PDE8B: variants seen among roughly 807,000 people sequenced by gnomAD.
The protein encoded by PDE8B is phosphodiesterase 8B.
Under a neutral mutation model 101.3 loss-of-function variants are expected in PDE8B, and 26 were observed. The ratio of observed to expected loss-of-function variants is 0.26; its 90% CI spans 0.19 to 0.36. The LOEUF is 0.36. PDE8B is among the 10% of genes least tolerant of loss of function. The pLI is 1.00. For missense variants in PDE8B, 810 were observed against 1,163.1 expected, an observed-to-expected ratio of 0.70 and a Z score of 4.42; for synonymous variants, 424 against 429.3, an observed-to-expected ratio of 0.99 and a Z score of 0.15.
chr5:77,290,671 T>A, intron 1 of PDE8B: 1 of 1,506,684 alleles, frequency 6.6e-7, no homozygotes, highest in Non-Finnish European at 9.2e-7. Context: ...TTATCAAGGA[T>A]GATTGGAGGA....
chr5:77,310,628 C>T (rs1469768653), intron 1 of PDE8B, among the ~76,000 whole-genome samples: 1 of 152,154 alleles, frequency 6.6e-6, no homozygotes, highest in Non-Finnish European at 1.5e-5. Context: ...CTGAGTGGAC[C>T]CATGGTTGAG....
At chr5:77,411,099 A>G (rs1442879155) in intron 14 of PDE8B, 1 of 155,746 alleles carries the variant, frequency 6.4e-6, no homozygotes, top group Non-Finnish European at 1.4e-5. Flanking sequence ...ATCTCCAAGG[A>G]CCTCAAGCCC....
intron 10 of PDE8B, among the ~76,000 whole-genome samples, chr5:77,369,203 C>CAAAAAAAAAAA (rs70988667): frequency 1.3e-5 from 1 of 79,034 alleles, no homozygotes; most frequent in African/African-American, 5.4e-5. Flanking sequence ...TCCACTGTCT[C>CAAAAAAAAAAA]AAAAAAAAAA....
intron 1 of PDE8B, among the ~76,000 whole-genome samples, chr5:77,257,420 A>G (rs888373575): frequency 1.3e-5 from 2 of 152,166 alleles, no homozygotes; most frequent in Admixed American, 6.5e-5. Context: ...AGAAGTGGCT[A>G]TTTTCATTAA....
chr5:77,095,777 C>T, the PDE8B span, among the ~76,000 whole-genome samples: 3 of 152,268 alleles, frequency 2.0e-5, no homozygotes, highest in East Asian at 1.9e-4. Flanking sequence ...TGTAAAGTAT[C>T]GATGATTTTA....
In PDE8B at chr5:77,240,209, G is replaced by C. The variant is rs1162002406; in HGVS notation, c.339+28945G>C. ...CGCTCTATTGCCCAGGCTGGAGTGC[G>C]GTGGCGCGATCCCGGCTCACTGCAA... On this transcript the variant is annotated intron_variant, in intron 1 of 21. Coordinates refer to ENST00000264917, the MANE Select transcript of PDE8B (RefSeq NM_003719.5). 2.6e-5 allele frequency among the ~76,000 whole-genome samples: 4 copies of C among 152,122 alleles called. No individual in the cohort carries two copies. In the East Asian group the frequency reaches 7.7e-4, roughly 29 times the overall value.
chr5:77,422,964 C>G (rs1406530621), intron 20 of PDE8B, among the ~76,000 whole-genome samples: 1 of 152,158 alleles, frequency 6.6e-6, no homozygotes, highest in Non-Finnish European at 1.5e-5. Flanking sequence ...TGATCCATGG[C>G]TCAAGTAGTA....
At chr5:77,367,453 G>A (rs1784346795) in intron 10 of PDE8B, among the ~76,000 whole-genome samples, 2 of 151,826 alleles carry the variant, frequency 1.3e-5, no homozygotes, top group Admixed American at 1.3e-4. Context: ...TTTCCAGCTA[G>A]TCTTCCTGGT....
chr5:77,216,505 A>G (rs746102841), intron 1 of PDE8B, among the ~76,000 whole-genome samples: 3 of 152,198 alleles, frequency 2.0e-5, no homozygotes, highest in Non-Finnish European at 2.9e-5. Flanking sequence ...TAAGGGGGGA[A>G]CTGCCCCATG....
chr5:77,314,768 G>C (rs554113879), intron 2 of PDE8B, among the ~76,000 whole-genome samples: 1 of 152,082 alleles, frequency 6.6e-6, no homozygotes, highest in African/African-American at 2.4e-5. Flanking sequence ...GATACTTCTA[G>C]ACCTTTCCTC....
chr5:77,288,064 G>A (rs1766428818), intron 1 of PDE8B, among the ~76,000 whole-genome samples: 1 of 152,152 alleles, frequency 6.6e-6, no homozygotes, highest in South Asian at 2.1e-4. Flanking sequence ...ACAGAATTTA[G>A]TTTTCCTTCT....
intron 1 of PDE8B, among the ~76,000 whole-genome samples, chr5:77,244,539 A>G (rs1251610608): frequency 1.3e-5 from 2 of 152,068 alleles, no homozygotes; most frequent in Non-Finnish European, 2.9e-5. Context: ...GGAGTGGCCC[A>G]GCAGGCCTCA....
intron 1 of PDE8B, among the ~76,000 whole-genome samples, chr5:77,258,967 T>G (rs1351852860): frequency 1.3e-5 from 2 of 151,904 alleles, no homozygotes; most frequent in African/African-American, 4.8e-5. Context: ...ACTCTCTCTC[T>G]TTAGGTACTG....
At chr5:77,089,625 T>G in the PDE8B span, among the ~76,000 whole-genome samples, 1 of 152,336 alleles carries the variant, frequency 6.6e-6, no homozygotes, top group East Asian at 1.9e-4. Flanking sequence ...GTTACTACTT[T>G]TCTTCTGGCC....
chr5:77,382,176 C>T (rs951845521), intron 10 of PDE8B, among the ~76,000 whole-genome samples: 11 of 152,126 alleles, frequency 7.2e-5, no homozygotes, highest in Admixed American at 7.2e-4. Context: ...TACTCAGTAC[C>T]TACATTCTGT....
intron 1 of PDE8B, among the ~76,000 whole-genome samples, chr5:77,238,561 A>T (rs1348108563): frequency 6.6e-6 from 1 of 152,184 alleles, no homozygotes; most frequent in Non-Finnish European, 1.5e-5. Flanking sequence ...TTGTGTTGAC[A>T]TCTATATTAC....
At chr5:77,264,185 G>C (rs1396173532) in intron 1 of PDE8B, among the ~76,000 whole-genome samples, 1 of 151,910 alleles carries the variant, frequency 6.6e-6, no homozygotes, top group East Asian at 1.9e-4. Flanking sequence ...TCCACATTTG[G>C]GATATTTTCA....
intron 1 of PDE8B, among the ~76,000 whole-genome samples, chr5:77,248,786 T>C (rs1036872521): frequency 6.6e-6 from 1 of 152,122 alleles, no homozygotes; most frequent in African/African-American, 2.4e-5. Flanking sequence ...ATTTTGGAGA[T>C]TGGGTCTTTA....
At position 77,423,632 on chromosome 5, in the gene PDE8B, G is replaced by GTTTTTTTTTTTTTTTTT. The variant is rs71594634; in HGVS notation, c.2418+1655_2418+1671dup. Among the ~76,000 whole-genome samples the GTTTTTTTTTTTTTTTTT allele has an allele frequency of 2.7e-3, 202 of 74,032 alleles. 36 individuals are homozygous for GTTTTTTTTTTTTTTTTT. The highest frequency in any genetic ancestry group is 9.3e-3 in the Middle Eastern group (1 of 108). 48.6% of individuals were successfully genotyped at this position (74,032 alleles called of 152,430 possible). On this transcript the variant is annotated intron_variant, in intron 20 of 21. Transcript: ENST00000264917. ...TGATGCTGGACTTTTGTTTTGTTTA[G>GTTTTTTTTTTTTTTTTT]TTTTTTTTTTTTTTTTTTTTTTTTT...
Sources: gnomAD v4.1 joint callset for allele counts (sites outside exome capture counted in the v4.1 genomes callset) on GRCh38, gnomAD v4.1.1 for gene constraint, MANE v1.5 for transcripts, NCBI Gene and HGNC (gene_info 2026-07-23, HGNC 2026-07-21) for gene names.